Variants in ACSM6 observed in about 807,000 individuals in gnomAD.
The protein encoded by ACSM6 is acyl-CoA synthetase medium chain family member 6.
A neutral mutation model predicts 51.1 loss-of-function variants in ACSM6; 35 were observed. The ratio of observed to expected loss-of-function variants is 0.69; its 90% CI spans 0.52 to 0.91. The LOEUF (loss-of-function observed/expected upper bound fraction) is 0.91. Ranked by LOEUF, ACSM6 falls within the 40% of genes least tolerant of loss-of-function variation. The pLI, the probability that ACSM6 is intolerant of heterozygous loss-of-function variation, is 0.00. For synonymous variants in ACSM6, 172 were observed against 207.3 expected, an observed-to-expected ratio of 0.83 and a Z score of 1.46; for missense variants, 509 against 584.1, an observed-to-expected ratio of 0.87 and a Z score of 1.32.
intron 5 of ACSM6, among the ~76,000 whole-genome samples, chr10:95,211,315 T>G (rs966970079): frequency 1.3e-5 from 2 of 152,236 alleles, no homozygotes; most frequent in Non-Finnish European, 2.9e-5. Context: ...TGGTTGAACA[T>G]GCAATGAAGT....
intron 10 of ACSM6, chr10:95,226,500 GACGTCAAGA>G (rs1415696356): frequency 2.0e-5 from 3 of 152,224 alleles, no homozygotes; most frequent in Non-Finnish European, 2.9e-5. Context: ...CTGAGAGCAG[GACGTCAAGA>G]GTGTAGTGAG....
rs554471739 is a variant in ACSM6 at position 95,202,824 on chromosome 10, A to G, written c.403+629A>G. On this transcript the variant is annotated intron_variant, in intron 3 of 10. Transcript: ENST00000341686. ...ATGTGGTGGCACACACCTGTAGTCC[A>G]GCTATTCAGGAGGCTGAGGGACAAG... Among the ~76,000 whole-genome samples the G allele has an allele frequency of 4.0e-5, 6 of 151,834 alleles. No individual in the cohort carries two copies. The South Asian group carries it at 1.3e-3, about 32-fold the overall frequency.
At chr10:95,198,461 G>T (rs2034757627) in intron 2 of ACSM6, among the ~76,000 whole-genome samples, 1 of 152,112 alleles carries the variant, frequency 6.6e-6, no homozygotes, top group Non-Finnish European at 1.5e-5. Context: ...GACCAGCCTG[G>T]GCAACATGGT....
In ACSM6 at chr10:95,200,194, G is replaced by C. The variant is rs569459358; in HGVS notation, c.193-1791G>C. 2.6e-4 allele frequency among the ~76,000 whole-genome samples: 40 copies of C among 152,202 alleles called. 2 individuals carry two copies. The East Asian group carries it at 7.7e-3, about 29-fold the overall frequency. ...AAAAAATGATGAGTTCATGTCCTTT[G>C]TAGGGACATGGATGAAGCTGGAAAC... is the stretch of plus-strand genomic sequence containing the variant. On this transcript the variant is annotated intron_variant, in intron 2 of 10. Coordinates refer to ENST00000341686, the Ensembl canonical transcript of ACSM6.
At chr10:95,197,505 G>C (rs2034744313) in intron 2 of ACSM6, among the ~76,000 whole-genome samples, 1 of 152,118 alleles carries the variant, frequency 6.6e-6, no homozygotes, top group Non-Finnish European at 1.5e-5. Context: ...AAGGTACTAT[G>C]CCTGGATGTG....
At chr10:95,211,841 A>G (rs1450787440) in intron 5 of ACSM6, 37 bp from the exon 6 acceptor site, 2 of 1,556,698 alleles carry the variant, frequency 1.3e-6, no homozygotes, top group Non-Finnish European at 1.7e-6. Flanking sequence ...TAGTACCAGC[A>G]CGAGAGAATT....
chr10:95,207,155 A>T, intron 3 of ACSM6, 53 bp from the exon 4 acceptor site: 2 of 1,573,046 alleles, frequency 1.3e-6, no homozygotes, highest in Non-Finnish European at 1.7e-6. Context: ...GCTTGAGGAA[A>T]AATTCTCTAC....
At chr10:95,218,355 C>T (rs1053757714) in intron 8 of ACSM6, among the ~76,000 whole-genome samples, 1 of 152,198 alleles carries the variant, frequency 6.6e-6, no homozygotes, top group African/African-American at 2.4e-5. Flanking sequence ...ATATTTCAAA[C>T]AAGCCTGAGC....
chr10:95,223,061 C>T (rs1460620261), intron 9 of ACSM6, among the ~76,000 whole-genome samples: 1 of 150,826 alleles, frequency 6.6e-6, no homozygotes, highest in African/African-American at 2.4e-5. Flanking sequence ...AGAAGAGGAC[C>T]CACACAAAGG....
intron 7 of ACSM6, 70 bp from the exon 8 acceptor site, chr10:95,214,782 T>G: frequency 8.0e-6 from 12 of 1,491,516 alleles, no homozygotes; most frequent in Non-Finnish European, 1.1e-5. Flanking sequence ...TTTCCAAGAT[T>G]CTTTCTAACA....
intron 2 of ACSM6, 72 bp downstream of exon 2, chr10:95,194,749 A>C: frequency 7.3e-7 from 1 of 1,369,336 alleles, no homozygotes; most frequent in Non-Finnish European, 9.9e-7. Context: ...AGATCATGAG[A>C]TTCATATCCC....
intron 2 of ACSM6, among the ~76,000 whole-genome samples, chr10:95,195,301 G>A (rs987332163): frequency 6.6e-6 from 1 of 152,200 alleles, no homozygotes; most frequent in African/African-American, 2.4e-5. Flanking sequence ...GGTATTTACT[G>A]CATCCTGAAG....
chr10:95,216,167 C>A (rs1327565612), intron 8 of ACSM6, among the ~76,000 whole-genome samples: 4 of 152,102 alleles, frequency 2.6e-5, no homozygotes. Flanking sequence ...CTCCTGGCCT[C>A]AGGGACCTTC....
At chr10:95,218,267 A>T (rs1483687642) in intron 8 of ACSM6, among the ~76,000 whole-genome samples, 1 of 152,214 alleles carries the variant, frequency 6.6e-6, no homozygotes, top group Non-Finnish European at 1.5e-5. Flanking sequence ...TACATCTTCC[A>T]TTTAATTGTA....
chr10:95,228,695 G>A, exon 11 of ACSM6: 2 of 1,551,892 alleles, frequency 1.3e-6, no homozygotes, highest in Non-Finnish European at 1.7e-6. Context: ...TTACCTCACA[G>A]GTGACAGAGG....
intron 8 of ACSM6, among the ~76,000 whole-genome samples, chr10:95,218,121 T>C (rs2034963503): frequency 6.6e-6 from 1 of 152,220 alleles, no homozygotes; most frequent in Admixed American, 6.5e-5. Flanking sequence ...TCTTTCTTTT[T>C]ATGAAATACA....
At chr10:95,203,389 A>C (rs1193734682) in intron 3 of ACSM6, among the ~76,000 whole-genome samples, 1 of 152,156 alleles carries the variant, frequency 6.6e-6, no homozygotes, top group Non-Finnish European at 1.5e-5. Context: ...AATAAATGTA[A>C]TGCACTCGAA....
At chr10:95,202,803 G>A (rs1401796311) in intron 3 of ACSM6, among the ~76,000 whole-genome samples, 1 of 151,980 alleles carries the variant, frequency 6.6e-6, no homozygotes, top group African/African-American at 2.4e-5. Context: ...AGCTGCATGT[G>A]GTGGCACACA....
At chr10:95,215,875 G>A (rs1564590402) in intron 8 of ACSM6, among the ~76,000 whole-genome samples, 1 of 151,866 alleles carries the variant, frequency 6.6e-6, no homozygotes, top group Non-Finnish European at 1.5e-5. Context: ...TCACAGACAG[G>A]GAGAGAGAGA....
Sources: gnomAD v4.1 joint callset for allele counts (sites outside exome capture counted in the v4.1 genomes callset) on GRCh38, gnomAD v4.1.1 for gene constraint, MANE v1.5 for transcripts, NCBI Gene and HGNC (gene_info 2026-07-23, HGNC 2026-07-21) for gene names.